Variants in FSTL4 observed in about 807,000 individuals in gnomAD.
The protein encoded by FSTL4 is follistatin like 4.
In FSTL4, 28 loss-of-function variants were observed where a neutral mutation model predicts 78.2. That is an observed-to-expected ratio of 0.36 (90% confidence interval 0.27 to 0.49). The LOEUF (loss-of-function observed/expected upper bound fraction) is 0.49, where lower values mean the gene tolerates loss of function less well. Ranked by LOEUF, FSTL4 falls within the 20% of genes least tolerant of loss-of-function variation. The pLI, the probability that FSTL4 is intolerant of heterozygous loss-of-function variation, is 0.98. For missense variants in FSTL4, 922 were observed against 1,084.9 expected (o/e 0.85, Z 2.11); for synonymous variants, 422 against 440.5 (o/e 0.96, Z 0.53).
the FSTL4 span, among the ~76,000 whole-genome samples, chr5:133,687,539 G>A: frequency 9.2e-5 from 14 of 152,130 alleles, no homozygotes; most frequent in Admixed American, 2.0e-4. Flanking sequence ...TTTACAGGGC[G>A]TCAGTTAAAA....
intron 3 of FSTL4, among the ~76,000 whole-genome samples, chr5:133,405,636 G>A (rs1756344231): frequency 6.6e-6 from 1 of 152,188 alleles, no homozygotes; most frequent in Non-Finnish European, 1.5e-5. Flanking sequence ...CCAGGGATTG[G>A]ACATAACGGT....
chr5:133,295,372 G>A (rs1310376687), intron 6 of FSTL4, among the ~76,000 whole-genome samples: 1 of 152,120 alleles, frequency 6.6e-6, no homozygotes, highest in Non-Finnish European at 1.5e-5. Context: ...TCATCTGGTT[G>A]TACTGCCTCT....
intron 5 of FSTL4, among the ~76,000 whole-genome samples, chr5:133,314,333 G>C (rs1305870965): frequency 6.6e-6 from 1 of 152,208 alleles, no homozygotes; most frequent in Non-Finnish European, 1.5e-5. Flanking sequence ...CTGGCAGGGC[G>C]GTTGCCCCGG....
chr5:133,626,402 C>G, the FSTL4 span, among the ~76,000 whole-genome samples: 2,818 of 128,156 alleles, frequency 0.022, 41 homozygotes, highest in East Asian at 0.026. Flanking sequence ...ACAGGTTTCT[C>G]CCTGTTGCCC....
At chr5:133,793,621 C>T in the FSTL4 span, among the ~76,000 whole-genome samples, 1 of 152,234 alleles carries the variant, frequency 6.6e-6, no homozygotes, top group African/African-American at 2.4e-5. Context: ...TGATTCCACA[C>T]TGCGGCAGCC....
chr5:133,642,868 G>A, the FSTL4 span, among the ~76,000 whole-genome samples: 1 of 152,230 alleles, frequency 6.6e-6, no homozygotes, highest in Admixed American at 6.5e-5. Flanking sequence ...ATTACAAGGA[G>A]GAAGTCTTTG....
intron 3 of FSTL4, among the ~76,000 whole-genome samples, chr5:133,546,138 C>T (rs1334543455): frequency 6.6e-6 from 1 of 152,164 alleles, no homozygotes; most frequent in Admixed American, 6.5e-5. Context: ...GAAAAAGTGA[C>T]TTACAGATGA....
In FSTL4 at chr5:133,376,479, C is replaced by T. The variant is rs7730022; in HGVS notation, c.409+24259G>A. 3.9e-3 allele frequency among the ~76,000 whole-genome samples: 599 copies of T among 152,058 alleles called. 6 individuals are homozygous for T. The highest frequency in any genetic ancestry group is 0.013 in the African/African-American group (533 of 41,468). On this transcript the variant is annotated intron_variant, in intron 4 of 15. Transcript: ENST00000265342. ...TCCCGCTTTTAGAATTATGGCATAA[C>T]GAACTCTGTAGACATGCTCTTCAGA... is the stretch of plus-strand genomic sequence containing the variant.
intron 2 of FSTL4, among the ~76,000 whole-genome samples, chr5:133,582,090 T>G (rs1418965168): frequency 1.3e-5 from 2 of 152,184 alleles, no homozygotes; most frequent in Non-Finnish European, 2.9e-5. Context: ...AGCAAGTCAG[T>G]GGAGCCAGAG....
At chr5:133,330,477 G>T (rs533676268) in intron 4 of FSTL4, among the ~76,000 whole-genome samples, 1 of 152,104 alleles carries the variant, frequency 6.6e-6, no homozygotes, top group East Asian at 1.9e-4. Context: ...ACCAGATCTC[G>T]CAAGGACTCA....
chr5:133,649,249 C>A, the FSTL4 span, among the ~76,000 whole-genome samples: 1 of 152,190 alleles, frequency 6.6e-6, no homozygotes, highest in East Asian at 1.9e-4. Flanking sequence ...GTGCCACAAT[C>A]TATCCATTTG....
the FSTL4 span, among the ~76,000 whole-genome samples, chr5:133,813,805 C>T: frequency 9.9e-5 from 15 of 152,176 alleles, no homozygotes; most frequent in Admixed American, 2.6e-4. Context: ...TATTTCCTGG[C>T]TTTGAGTTCA....
intron 2 of FSTL4, among the ~76,000 whole-genome samples, chr5:133,567,519 A>G (rs1165990117): frequency 6.6e-6 from 1 of 152,226 alleles, no homozygotes; most frequent in Non-Finnish European, 1.5e-5. Context: ...GTGTTAAGGA[A>G]GACCCTCTTC....
intron 6 of FSTL4, among the ~76,000 whole-genome samples, chr5:133,293,888 C>T (rs1323137206): frequency 2.0e-5 from 3 of 152,192 alleles, no homozygotes; most frequent in Admixed American, 6.5e-5. Flanking sequence ...CCCTAACACA[C>T]GCCCTTGCTG....
At chr5:133,662,271 C>G in the FSTL4 span, among the ~76,000 whole-genome samples, 1 of 152,306 alleles carries the variant, frequency 6.6e-6, no homozygotes, top group East Asian at 1.9e-4. Context: ...GAGCAGCTTT[C>G]TTTTCTATCT....
chr5:133,204,942 T>C (rs1471227888), intron 14 of FSTL4, among the ~76,000 whole-genome samples: 1 of 152,178 alleles, frequency 6.6e-6, no homozygotes, highest in Non-Finnish European at 1.5e-5. Flanking sequence ...TGAGCAATGG[T>C]TTCTTTAATC....
the FSTL4 span, among the ~76,000 whole-genome samples, chr5:133,831,803 A>T: frequency 3.9e-5 from 6 of 152,204 alleles, no homozygotes; most frequent in Non-Finnish European, 1.5e-5. Flanking sequence ...GGGGACAGGG[A>T]GGAAACATCT....
chr5:133,382,298 T>C (rs1010739717), intron 4 of FSTL4, among the ~76,000 whole-genome samples: 6 of 152,232 alleles, frequency 3.9e-5, no homozygotes, highest in Admixed American at 6.5e-5. Flanking sequence ...CTGGATGTAC[T>C]GCGTGAGTGA....
chr5:133,352,263 T>C (rs1472791971), intron 4 of FSTL4, among the ~76,000 whole-genome samples: 7 of 51,928 alleles, frequency 1.3e-4, no homozygotes, highest in Admixed American at 4.9e-4. Flanking sequence ...CATATATATA[T>C]ACACACATAT....
Sources: allele counts gnomAD v4.1 joint callset (sites outside exome capture counted in the v4.1 genomes callset), GRCh38; gene constraint gnomAD v4.1.1; transcripts MANE v1.5; gene names NCBI Gene and HGNC (gene_info 2026-07-23, HGNC 2026-07-21).